ITGA2: variants seen among roughly 807,000 people sequenced by gnomAD.
ITGA2 encodes integrin subunit alpha 2.
Under a neutral mutation model 146.3 loss-of-function variants are expected in ITGA2, and 101 were observed. The ratio of observed to expected loss-of-function variants is 0.69; its 90% CI spans 0.59 to 0.81. ITGA2 has a LOEUF of 0.81. Among genes scored for constraint, ITGA2 ranks in the 40% least tolerant of loss-of-function variants. The probability of loss-of-function intolerance (pLI) is 0.00; values close to 1 mark genes in which losing one functional copy is unlikely to be tolerated. For synonymous variants in ITGA2, 477 were observed against 487.1 expected (o/e 0.98, Z 0.27); for missense variants, 1,281 against 1,402.7 (o/e 0.91, Z 1.39).
rs757203209 is a variant in ITGA2 at position 53,078,851 on chromosome 5, C to T, written c.2905C>T (p.Pro969Ser). The T allele has an allele frequency of 6.2e-7, 1 of 1,605,888 alleles. No individual in the cohort carries two copies. The highest frequency in any genetic ancestry group is 8.5e-7 in the Non-Finnish European group (1 of 1,173,224). Residue 969 changes from proline to serine, a missense_variant, in exon 24 of 30, where the codon CCA (proline) becomes TCA (serine). Physicochemically the swap from Pro to Ser is moderately conservative, Grantham distance 74 (BLOSUM62 -1). This residue lies in a region of ITGA2 where 475 missense variants were observed against 530.5 expected (regional missense o/e 0.90). Coordinates refer to ENST00000296585, the MANE Select transcript of ITGA2 (RefSeq NM_002203.4). Reference sequence around the variant, plus strand: ...CGTGCACAGTTTTGAAGATGTTGGTCCAAAATTCATCTTCTCCCTGAAGGT... The same window carrying T: ...CGTGCACAGTTTTGAAGATGTTGGTTCAAAATTCATCTTCTCCCTGAAGGT... ...SIVHSFEDVGPKFIFSLKVTT... is the reference protein window; with the variant it reads ...SIVHSFEDVGSKFIFSLKVTT...
At chr5:52,999,798 G>A (rs1741475964) in intron 1 of ITGA2, among the ~76,000 whole-genome samples, 1 of 152,168 alleles carries the variant, frequency 6.6e-6, no homozygotes, top group Non-Finnish European at 1.5e-5. Context: ...GGCATACTCA[G>A]CAGATATGTA....
intron 1 of ITGA2, among the ~76,000 whole-genome samples, chr5:53,007,398 A>G (rs1159734011): frequency 6.6e-6 from 1 of 152,050 alleles, no homozygotes; most frequent in Non-Finnish European, 1.5e-5. Flanking sequence ...TTTTCCATAT[A>G]TTGCCTCAAG....
intron 25 of ITGA2, 147 bp from the exon 26 acceptor site, chr5:53,081,445 G>A: frequency 1.4e-6 from 1 of 698,140 alleles, no homozygotes; most frequent in East Asian, 2.7e-5. Context: ...GAGATTATAT[G>A]AAGTGTGGCC....
At chr5:53,001,093 G>T (rs1741562589) in intron 1 of ITGA2, among the ~76,000 whole-genome samples, 1 of 151,428 alleles carries the variant, frequency 6.6e-6, no homozygotes, top group African/African-American at 2.4e-5. Flanking sequence ...GTAGAGATGG[G>T]GCTTCACCAT....
chr5:52,989,364 TG>T lies in ITGA2; in HGVS notation c.-103del. 8.2e-7 allele frequency: 1 copy of T among 1,223,120 alleles called. No homozygotes were observed. The highest frequency in any genetic ancestry group is 1.2e-6 in the Non-Finnish European group (1 of 829,668). The allele number at this position is 1,223,120 out of a possible 1,614,324, so 75.8% of individuals were successfully genotyped here. A position where few individuals can be genotyped will look rare whatever the true frequency, so the allele number is the denominator to read the frequency against. ...CACCGGGCGGGGGAGAGAAGCCCTC[TG>T]GACAGCTTCTAGAGTGTGCAGGTTC... On this transcript the variant is annotated 5_prime_UTR_variant, in exon 1 of 30. Transcript: ENST00000296585.
intron 11 of ITGA2, 146 bp from the exon 12 acceptor site, chr5:53,060,755 A>G (rs892113643): frequency 5.2e-6 from 4 of 770,772 alleles, no homozygotes; most frequent in South Asian, 1.4e-5. Context: ...AAAGGAAGAC[A>G]TGTCCTCAGT....
intron 8 of ITGA2, 35 bp from the exon 9 acceptor site, chr5:53,055,949 G>A: frequency 6.3e-7 from 1 of 1,587,546 alleles, no homozygotes; most frequent in Non-Finnish European, 8.6e-7. Flanking sequence ...ATGTACAGCA[G>A]TAATGACTGC....
chr5:53,060,646 T>C (rs950813505), intron 11 of ITGA2, among the ~76,000 whole-genome samples: 2 of 151,866 alleles, frequency 1.3e-5, no homozygotes, highest in Non-Finnish European at 2.9e-5. Flanking sequence ...AGGTGGCTGA[T>C]GAGAACAGCG....
chr5:53,040,260 C>A (rs973442140), intron 2 of ITGA2, among the ~76,000 whole-genome samples: 20 of 152,136 alleles, frequency 1.3e-4, no homozygotes, highest in African/African-American at 4.1e-4. Flanking sequence ...GAGTCAGATT[C>A]TTTCCTTTTT....
rs753510664 is a variant in ITGA2 at position 53,045,093 on chromosome 5, G to A, written c.387+1G>A. 26 of 1,608,722 alleles carry A rather than the reference G, an allele frequency of 1.6e-5. No individual in the cohort carries two copies. The highest frequency in any genetic ancestry group is 1.6e-4 in the Middle Eastern group (1 of 6,080). The stretch of plus-strand genomic sequence containing the variant: ...GAACATGGGAACTGGAGGTTTTCTC[G>A]TGAGTGTTTACTTTACAAATCATTA... On this transcript the variant is annotated splice_donor_variant, in intron 4 of 29. Transcript: ENST00000296585. LOFTEE classifies it high-confidence loss of function.
At chr5:52,989,933 G>A (rs1178757519) in intron 1 of ITGA2, among the ~76,000 whole-genome samples, 1 of 152,156 alleles carries the variant, frequency 6.6e-6, no homozygotes, top group Non-Finnish European at 1.5e-5. Context: ...GGCTCAGACA[G>A]GTGCCGCGCC....
intron 1 of ITGA2, among the ~76,000 whole-genome samples, chr5:53,024,402 T>G (rs1173919868): frequency 2.0e-5 from 3 of 152,192 alleles, no homozygotes; most frequent in African/African-American, 7.2e-5. Flanking sequence ...TTTCTCTATA[T>G]TCCAAATCAT....
chr5:53,081,966 A>T (rs1460903702), intron 26 of ITGA2, among the ~76,000 whole-genome samples: 1 of 152,200 alleles, frequency 6.6e-6, no homozygotes. Context: ...TAAGTTCCAG[A>T]CTTTATGACA....
intron 19 of ITGA2, 152 bp downstream of exon 19, chr5:53,072,847 C>A: frequency 1.4e-6 from 1 of 734,394 alleles, no homozygotes; most frequent in Non-Finnish European, 2.3e-6. Context: ...GTCTACCATC[C>A]ACATAGGAGT....
rs146737975 is a variant in ITGA2 at position 53,024,158 on chromosome 5, T to G, written c.65-2590T>G. On this transcript the variant is annotated intron_variant, in intron 1 of 29. Coordinates refer to ENST00000296585, the MANE Select transcript of ITGA2 (RefSeq NM_002203.4). ...TTAGCCTTCATGAGTTTCAGTTTCCTTATTTGTAATTTGTTAATAATAGCT... is the reference window on the plus strand; with the variant it reads ...TTAGCCTTCATGAGTTTCAGTTTCCGTATTTGTAATTTGTTAATAATAGCT... Among the ~76,000 whole-genome samples, 208 of 152,354 alleles carry G rather than the reference T, an allele frequency of 1.4e-3. 1 individual carries two copies. Among genetic ancestry groups the G allele is most frequent in the Non-Finnish European group, 2.3e-3 (155 of 68,040 alleles).
chr5:53,061,491 A>G (rs989838570), intron 12 of ITGA2, among the ~76,000 whole-genome samples: 1 of 151,972 alleles, frequency 6.6e-6, no homozygotes, highest in African/African-American at 2.4e-5. Context: ...GGAGCAGCAC[A>G]ACATTATAAG....
intron 1 of ITGA2, among the ~76,000 whole-genome samples, chr5:53,017,908 C>T (rs923274433): frequency 2.6e-5 from 4 of 151,946 alleles, no homozygotes; most frequent in South Asian, 2.1e-4. Context: ...GGAGAGGCTG[C>T]GGTTGGGGAG....
chr5:53,079,019 G>A, intron 24 of ITGA2, 145 bp downstream of exon 24: 1 of 672,142 alleles, frequency 1.5e-6, no homozygotes, highest in Admixed American at 2.1e-5. Flanking sequence ...TCACCTGGAG[G>A]AATTGTGAAA....
intron 1 of ITGA2, among the ~76,000 whole-genome samples, chr5:53,018,602 C>T (rs533001809): frequency 7.9e-5 from 12 of 152,166 alleles, no homozygotes; most frequent in South Asian, 6.2e-4. Flanking sequence ...GTTTCTCGGT[C>T]GGAGAGGTTT....
Sources: allele counts gnomAD v4.1 joint callset (sites outside exome capture counted in the v4.1 genomes callset), GRCh38; gene constraint gnomAD v4.1.1; regional missense constraint gnomAD v4.1.1; transcripts MANE v1.5; gene names NCBI Gene and HGNC (gene_info 2026-07-23, HGNC 2026-07-21).